LUZP2: variants seen among roughly 807,000 people sequenced by gnomAD.
LUZP2 encodes leucine zipper protein 2.
In LUZP2, 52 loss-of-function variants were observed where a neutral mutation model predicts 51.6. That is an observed-to-expected ratio of 1.01 (90% confidence interval 0.81 to 1.27). The LOEUF is 1.27. Ranked by LOEUF, LUZP2 falls within the 50% of genes most tolerant of loss-of-function variation. The probability of loss-of-function intolerance (pLI) is 0.00; values close to 1 mark genes in which losing one functional copy is unlikely to be tolerated. For synonymous variants in LUZP2, 154 were observed against 137.3 expected (o/e 1.12, Z -0.85); for missense variants, 436 against 395.4 (o/e 1.10, Z -0.87).
intron 1 of LUZP2, among the ~76,000 whole-genome samples, chr11:24,717,839 G>A (rs1033357821): frequency 6.8e-6 from 1 of 147,106 alleles, no homozygotes; most frequent in Admixed American, 7.0e-5. Context: ...TTATAAACGA[G>A]AGCATGTGAT....
intron 5 of LUZP2, chr11:24,892,954 C>A (rs1852903319): frequency 6.6e-6 from 1 of 152,018 alleles, no homozygotes; most frequent in African/African-American, 2.4e-5. Flanking sequence ...TCAAGAGTCC[C>A]AAAACATTAG....
At chr11:24,957,614 G>C (rs1855247669) in intron 7 of LUZP2, among the ~76,000 whole-genome samples, 1 of 152,022 alleles carries the variant, frequency 6.6e-6, no homozygotes. Flanking sequence ...TTCTTACTCA[G>C]CTTATTTCAC....
intron 1 of LUZP2, among the ~76,000 whole-genome samples, chr11:24,683,864 G>T (rs1251598672): frequency 6.6e-6 from 1 of 151,808 alleles, no homozygotes; most frequent in East Asian, 1.9e-4. Context: ...AACTGGCATT[G>T]CAAACACAGA....
chr11:24,732,237 A>G, intron 3 of LUZP2, 49 bp downstream of exon 3: 1 of 1,358,074 alleles, frequency 7.4e-7, no homozygotes, highest in African/African-American at 1.5e-5. Context: ...GTGTCAAGCA[A>G]CATTCAGAAA....
At chr11:24,591,884 T>C (rs2133843786) in intron 1 of LUZP2, among the ~76,000 whole-genome samples, 1 of 150,078 alleles carries the variant, frequency 6.7e-6, no homozygotes, top group Non-Finnish European at 1.5e-5. Context: ...ACTGAAAATG[T>C]TTGGAGCAAT....
chr11:25,052,591 G>A (rs1178948923), intron 10 of LUZP2, among the ~76,000 whole-genome samples: 2 of 151,986 alleles, frequency 1.3e-5, no homozygotes, highest in African/African-American at 4.8e-5. Context: ...TTTTTGCCTT[G>A]TATAAATTTA....
chr11:24,541,257 G>A (rs201462930), intron 1 of LUZP2, among the ~76,000 whole-genome samples: 73 of 114,152 alleles, frequency 6.4e-4, no homozygotes, highest in Admixed American at 1.2e-3. Context: ...TCATCTCAAG[G>A]AAAAAAAAAA....
intron 10 of LUZP2, among the ~76,000 whole-genome samples, chr11:25,056,498 G>A (rs940626809): frequency 1.4e-4 from 21 of 152,102 alleles, no homozygotes; most frequent in Non-Finnish European, 2.2e-4. Flanking sequence ...GGTCATACCT[G>A]AGACTGAGTA....
chr11:25,047,750 T>C (rs1197354321), intron 9 of LUZP2, among the ~76,000 whole-genome samples: 3 of 152,186 alleles, frequency 2.0e-5, no homozygotes, highest in Non-Finnish European at 2.9e-5. Flanking sequence ...TTTTTGCCTA[T>C]GTACTGTTGC....
chr11:24,531,673 C>A (rs1851004818), intron 1 of LUZP2, among the ~76,000 whole-genome samples: 2 of 150,848 alleles, frequency 1.3e-5, no homozygotes. Context: ...TGAGTGAGAA[C>A]ATGTAGTATT....
At chr11:24,569,529 T>C (rs1852357336) in intron 1 of LUZP2, among the ~76,000 whole-genome samples, 1 of 152,032 alleles carries the variant, frequency 6.6e-6, no homozygotes, top group Admixed American at 6.6e-5. Flanking sequence ...AGCAAACTTA[T>C]ATACAATTCT....
chr11:24,880,371 G>T (rs988752562), intron 5 of LUZP2, among the ~76,000 whole-genome samples: 1 of 152,070 alleles, frequency 6.6e-6, no homozygotes, highest in Non-Finnish European at 1.5e-5. Context: ...CTACTTCTTC[G>T]GTGCCCCTTT....
chr11:25,077,345 C>T lies in LUZP2; in HGVS notation c.875C>T (p.Ser292Phe), dbSNP rs764298212. Reference sequence around the variant, plus strand: ...CTTTTGTAGGAGGGCAGACCGTGTTCCATGAAGCACAAAGAAAGTCCCCCA... The same window carrying T: ...CTTTTGTAGGAGGGCAGACCGTGTTTCATGAAGCACAAAGAAAGTCCCCCA... ...CDSQDEGRPC[S>F]MKHKESPPSN... The change falls in exon 11 of 12, where the codon TCC (serine) becomes TTC (phenylalanine). Residue 292 changes from serine (S) to phenylalanine (F), a missense_variant. Physicochemically the swap from Ser to Phe is radical, Grantham distance 155. Transcript: ENST00000336930. 3 of 1,612,438 alleles carry T rather than the reference C, an allele frequency of 1.9e-6. No homozygotes were observed. The highest frequency in any genetic ancestry group is 4.5e-5 in the East Asian group (2 of 44,782).
At chr11:24,671,396 T>C (rs998795456) in intron 1 of LUZP2, among the ~76,000 whole-genome samples, 11 of 152,068 alleles carry the variant, frequency 7.2e-5, no homozygotes, top group African/African-American at 2.4e-4. Flanking sequence ...CTAAATTTTG[T>C]TCTTCTAAGT....
intron 9 of LUZP2, among the ~76,000 whole-genome samples, chr11:25,042,714 T>C (rs995008665): frequency 1.3e-5 from 2 of 152,174 alleles, no homozygotes; most frequent in African/African-American, 4.8e-5. Flanking sequence ...CAGCTTCTGG[T>C]AGTTGTCTGG....
At chr11:25,069,935 T>C (rs2134053355) in intron 10 of LUZP2, among the ~76,000 whole-genome samples, 1 of 151,988 alleles carries the variant, frequency 6.6e-6, no homozygotes, top group East Asian at 1.9e-4. Context: ...AAATCTTGTG[T>C]TAATTGCTTA....
chr11:24,989,029 G>T (rs918599066), intron 9 of LUZP2, among the ~76,000 whole-genome samples: 8 of 150,896 alleles, frequency 5.3e-5, no homozygotes, highest in African/African-American at 1.9e-4. Flanking sequence ...CCCCAGTGCA[G>T]ATCTGATCAT....
chr11:24,815,860 G>A (rs1219588486), intron 5 of LUZP2, among the ~76,000 whole-genome samples: 2 of 152,088 alleles, frequency 1.3e-5, no homozygotes, highest in African/African-American at 4.8e-5. Context: ...AGAGCCATAG[G>A]ATGAAGTTCA....
At chr11:24,596,384 G>A (rs544463355) in intron 1 of LUZP2, among the ~76,000 whole-genome samples, 8 of 152,314 alleles carry the variant, frequency 5.3e-5, no homozygotes, top group Admixed American at 4.6e-4. Flanking sequence ...AAAATTCATA[G>A]AGGGTTTTCA....
Sources: allele counts gnomAD v4.1 joint callset (sites outside exome capture counted in the v4.1 genomes callset), GRCh38; gene constraint gnomAD v4.1.1; transcripts MANE v1.5; gene names NCBI Gene and HGNC (gene_info 2026-07-23, HGNC 2026-07-21).